The following MITD1 variants were observed in gnomAD, a reference collection of about 807,000 sequenced individuals.
MITD1 encodes the protein MIT domain-containing protein 1.
Under a neutral mutation model 34.9 loss-of-function variants are expected in MITD1, and 24 were observed. The observed-to-expected ratio is 0.69, with a 90% CI of 0.50 to 0.97. MITD1 has a LOEUF of 0.97. Among genes scored for constraint, MITD1 ranks in the 50% least tolerant of loss-of-function variants. MITD1 has a pLI of 0.00. For synonymous variants in MITD1, 102 were observed against 101.4 expected, an observed-to-expected ratio of 1.01 and a Z score of -0.04; for missense variants, 266 against 294.6, an observed-to-expected ratio of 0.90 and a Z score of 0.71.
At chr2:99,179,927 G>A (rs1031389864) in intron 1 of MITD1, among the ~76,000 whole-genome samples, 4 of 152,284 alleles carry the variant, frequency 2.6e-5, no homozygotes, top group Admixed American at 2.6e-4. Context: ...CTGCCCCAAA[G>A]CTTCTGTAAC....
At chr2:99,166,893 ATAT>A (rs1375953025), downstream of MITD1, among the ~76,000 whole-genome samples, 4 of 105,034 alleles carry the variant, frequency 3.8e-5, no homozygotes, top group African/African-American at 1.3e-4. Flanking sequence ...ATATATATAT[ATAT>A]AAATTTTTCA....
downstream of MITD1, among the ~76,000 whole-genome samples, chr2:99,166,441 C>T (rs1357984113): frequency 2.7e-5 from 4 of 145,776 alleles, no homozygotes; most frequent in Non-Finnish European, 4.5e-5. Context: ...CTGGGGCAGT[C>T]GCCAGACTGA....
At chr2:99,165,637 A>G (rs1421566780), downstream of MITD1, among the ~76,000 whole-genome samples, 5 of 152,162 alleles carry the variant, frequency 3.3e-5, no homozygotes, top group Admixed American at 3.3e-4. Context: ...TAAACTATTA[A>G]ATATTCAGCA....
At chr2:99,169,676 T>C in intron 5 of MITD1, 66 bp from the exon 6 acceptor site, 1 of 1,350,148 alleles carries the variant, frequency 7.4e-7, no homozygotes, top group South Asian at 1.2e-5. Context: ...AAAGCTGTAG[T>C]GTATTAAGTG....
downstream of MITD1, among the ~76,000 whole-genome samples, chr2:99,166,486 GAAAAA>G (rs367705088): frequency 8.6e-6 from 1 of 116,880 alleles, no homozygotes; most frequent in Non-Finnish European, 1.7e-5. Flanking sequence ...GAGGAAATAA[GAAAAA>G]AAAAAAAAAA....
At chr2:99,174,105 A>G in intron 1 of MITD1, 89 bp from the exon 2 acceptor site, 1 of 726,582 alleles carries the variant, frequency 1.4e-6, no homozygotes, top group Non-Finnish European at 2.2e-6. Context: ...AGTTTTCTAC[A>G]AATTTCCTAT....
intron 2 of MITD1, 100 bp from the exon 3 acceptor site, chr2:99,171,746 A>G: frequency 8.5e-7 from 1 of 1,172,636 alleles, no homozygotes; most frequent in East Asian, 2.4e-5. Flanking sequence ...ATACATATTA[A>G]TTTTTTTAAC....
chr2:99,167,235 T>G (rs2093831386), downstream of MITD1, among the ~76,000 whole-genome samples: 1 of 152,188 alleles, frequency 6.6e-6, no homozygotes, highest in African/African-American at 2.4e-5. Context: ...TACTCTCTTT[T>G]GTCATTTAAT....
chr2:99,165,061 C>CACATAT (rs370053233), downstream of MITD1, among the ~76,000 whole-genome samples: 3,993 of 134,920 alleles, frequency 0.03, 88 homozygotes, highest in East Asian at 0.049. Flanking sequence ...CACACACACA[C>CACATAT]ATATATATAT....
downstream of MITD1, among the ~76,000 whole-genome samples, chr2:99,166,486 G>GAAAAAAAA (rs367705088): frequency 4.3e-5 from 5 of 116,820 alleles, no homozygotes; most frequent in Non-Finnish European, 6.7e-5. Context: ...GAGGAAATAA[G>GAAAAAAAA]AAAAAAAAAA....
At chr2:99,173,499 G>T (rs753622668) in intron 2 of MITD1, 1 of 469,570 alleles carries the variant, frequency 2.1e-6, no homozygotes, top group Non-Finnish European at 4.4e-6. Context: ...AGTTTCTTTA[G>T]CTTCTTTCAT....
chr2:99,177,783 G>A (rs968228106), intron 1 of MITD1, among the ~76,000 whole-genome samples: 6 of 152,046 alleles, frequency 3.9e-5, no homozygotes, highest in Non-Finnish European at 5.9e-5. Context: ...GATTGCAGGC[G>A]TGAGCCACTG....
rs2105198973 is a variant in MITD1 at position 99,162,078 on chromosome 2, G to A, written c.*144C>T. 1.2e-6 allele frequency: 2 copies of A among 1,614,018 alleles called. No individual in the cohort carries two copies. Among genetic ancestry groups the A allele is most frequent in the Non-Finnish European group, 1.7e-6 (2 of 1,179,988 alleles). On this transcript the variant is annotated 3_prime_UTR_variant, in exon 8 of 8. Coordinates refer to the MITD1 transcript ENST00000422537. Reference sequence around the variant, plus strand: ...CATTTTACAGTCAATTTCCAATGATGTCTATCAAAATCTGGCTGTGGAAGA... The same window carrying A: ...CATTTTACAGTCAATTTCCAATGATATCTATCAAAATCTGGCTGTGGAAGA...
At chr2:99,172,743 C>T (rs1272601993) in intron 2 of MITD1, 2 of 152,004 alleles carry the variant, frequency 1.3e-5, no homozygotes, top group African/African-American at 4.8e-5. Flanking sequence ...ATGAGCCAGG[C>T]TTGGCGGCGG....
Position 99,170,640 on chromosome 2 carries a change from C to G in MITD1, c.490G>C (p.Val164Leu), listed in dbSNP as rs779403535. The G allele has an allele frequency of 6.3e-7, 1 of 1,576,762 alleles. No homozygotes were observed. Among genetic ancestry groups the G allele is most frequent in the South Asian group, 1.1e-5 (1 of 89,862 alleles). The change falls in exon 5 of 7, where the codon GTG becomes CTG. Residue 164 changes from valine (V) to leucine (L), a missense_variant. Val to Leu is a conservative substitution (Grantham distance 32). Coordinates refer to ENST00000289359, the MANE Select transcript of MITD1 (RefSeq NM_138798.3). ...TCTTGCAGGCCTCTACTTTGCTGCA[C>G]TTGCTCAATGCCCTGTTAATAGCAA... Reference protein sequence around the residue: ...LTSLDEGIEQVQQSRGLQEIE... With the variant: ...LTSLDEGIEQLQQSRGLQEIE...
rs2093810772 is a variant in MITD1 at position 99,163,190 on chromosome 2, A to C, written c.*4-972T>G. 5.7e-6 allele frequency: 3 copies of C among 525,362 alleles called. No homozygotes were observed. The East Asian group carries it at 1.2e-4, about 22-fold the overall frequency. 32.5% of individuals were successfully genotyped at this position (525,362 alleles called of 1,614,324 possible). ...TCTTTTAGTAACGTCAAAAAAAAAAAACAAAACACAACAACCTAGTCTCTT... is the reference window on the plus strand; with the variant it reads ...TCTTTTAGTAACGTCAAAAAAAAAACACAAAACACAACAACCTAGTCTCTT... On this transcript the variant is annotated intron_variant, in intron 7 of 7. Transcript: ENST00000422537.
At chr2:99,171,914 C>T (rs1452465262) in intron 2 of MITD1, 4 of 383,776 alleles carry the variant, frequency 1.0e-5, no homozygotes, top group Non-Finnish European at 1.9e-5. Context: ...GGAACAGGTC[C>T]TTGAGCAAGA....
Position 99,170,785 on chromosome 2 carries a change from C to CA in MITD1, c.478-134dup, listed in dbSNP as rs1479242063. 2.8e-5 allele frequency: 13 copies of CA among 467,620 alleles called. No individual in the cohort carries two copies. The East Asian group carries it at 3.4e-4, about 12-fold the overall frequency. 29.0% of individuals were successfully genotyped at this position (467,620 alleles called of 1,614,324 possible). ...ATACTAGTTTCAATGTCTATTATCT[C>CA]AAAAAAACAACCAATGTGAGGTAGT... is the stretch of plus-strand genomic sequence containing the variant. On this transcript the variant is annotated intron_variant, in intron 4 of 6. Coordinates refer to ENST00000289359, the MANE Select transcript of MITD1 (RefSeq NM_138798.3).
At chr2:99,165,920 G>A (rs548757243), downstream of MITD1, among the ~76,000 whole-genome samples, 10 of 152,266 alleles carry the variant, frequency 6.6e-5, no homozygotes, top group South Asian at 4.1e-4. Context: ...TGAGGCTAGC[G>A]TGATAGTTTC....
Sources: gnomAD v4.1 joint callset for allele counts (sites outside exome capture counted in the v4.1 genomes callset) on GRCh38, gnomAD v4.1.1 for gene constraint, MANE v1.5 for transcripts, NCBI Gene and HGNC (gene_info 2026-07-23, HGNC 2026-07-21) for gene names.